RAD51: variants seen among roughly 807,000 people sequenced by gnomAD.
The protein encoded by RAD51 is RAD51 recombinase.
In RAD51, 14 loss-of-function variants were observed where a neutral mutation model predicts 41.5. The observed-to-expected ratio is 0.34, with a 90% CI of 0.22 to 0.53. RAD51 has a LOEUF of 0.53. Among genes scored for constraint, RAD51 ranks in the 20% least tolerant of loss-of-function variants. The pLI, the probability that RAD51 is intolerant of heterozygous loss-of-function variation, is 0.95. For synonymous variants in RAD51, 136 were observed against 148.6 expected (o/e 0.92, Z 0.62); for missense variants, 234 against 422.0 (o/e 0.55, Z 3.90).
rs1896866415 is a variant in RAD51 at position 40,731,300 on chromosome 15, A to G, written c.*122A>G. The stretch of plus-strand genomic sequence containing the variant: ...ACTGCCAGGATAAAGCTTCCGGGAA[A>G]ACAGCTATTATATCAGCTTTTCTGA... On this transcript the variant is annotated 3_prime_UTR_variant, in exon 10 of 10. Transcript: ENST00000267868. The G allele has an allele frequency of 5.3e-6, 7 of 1,331,502 alleles. No homozygotes were observed. In the South Asian group the frequency reaches 8.6e-5, roughly 16 times the overall value. 82.5% of individuals were successfully genotyped at this position (1,331,502 alleles called of 1,614,324 possible). A position where few individuals can be genotyped will look rare whatever the true frequency, so the allele number is the denominator to read the frequency against.
intron 6 of RAD51, 55 bp downstream of exon 6, chr15:40,718,954 T>C: frequency 6.7e-7 from 1 of 1,493,026 alleles, no homozygotes; most frequent in Non-Finnish European, 9.3e-7. Flanking sequence ...AATGTAGTGA[T>C]TGCCAGGGTT....
chr15:40,705,745 C>G (rs1233728494), intron 3 of RAD51, among the ~76,000 whole-genome samples: 1 of 152,128 alleles, frequency 6.6e-6, no homozygotes, highest in East Asian at 1.9e-4. Flanking sequence ...GCTGGGACTT[C>G]AGGCACCCGC....
chr15:40,726,436 T>G (rs1896588736), intron 6 of RAD51, among the ~76,000 whole-genome samples: 1 of 151,740 alleles, frequency 6.6e-6, no homozygotes, highest in Non-Finnish European at 1.5e-5. Context: ...ATTTTTTAAG[T>G]AGAGATGGGT....
At position 40,725,976 on chromosome 15, in the gene RAD51, A is replaced by G. The variant is rs544116409; in HGVS notation, c.531-2735A>G. ...ACTCCAGACTGGGCGACAGAGTGAG[A>G]CTCCATCTCAAAAAAACAAAACAAC... On this transcript the variant is annotated intron_variant, in intron 6 of 9. Transcript: ENST00000267868. Among the ~76,000 whole-genome samples the G allele has an allele frequency of 4.0e-5, 6 of 151,412 alleles. No homozygotes were observed. In the South Asian group the frequency reaches 1.3e-3, roughly 32 times the overall value.
At chr15:40,719,720 T>C (rs1251166571) in intron 6 of RAD51, among the ~76,000 whole-genome samples, 1 of 151,884 alleles carries the variant, frequency 6.6e-6, no homozygotes, top group Non-Finnish European at 1.5e-5. Context: ...TAGTCCCAGC[T>C]ACTCGGGAGG....
intron 3 of RAD51, chr15:40,701,776 ATTTTTTTTTTTTT>A (rs35383252): frequency 1.5e-5 from 2 of 134,858 alleles, no homozygotes; most frequent in Non-Finnish European, 2.6e-5. Flanking sequence ...TATAAAGCAG[ATTTTTTTTTTTTT>A]TTTTTTTTTT....
intron 6 of RAD51, 142 bp downstream of exon 6, chr15:40,719,041 A>G: frequency 1.3e-6 from 1 of 743,232 alleles, no homozygotes; most frequent in Non-Finnish European, 2.3e-6. Flanking sequence ...TGACTTCCTT[A>G]GTAGAAAAAG....
rs1433224767 is a variant in RAD51 at position 40,718,968 on chromosome 15, T to C, written c.530+69T>C. ...CAATGTAGTGATTGCCAGGGTTAGT[T>C]TGGCCGAAGAATGTCTCTTCTATAA... On this transcript the variant is annotated intron_variant, in intron 6 of 9. Transcript: ENST00000267868. 5 of 1,427,494 alleles carry C rather than the reference T, an allele frequency of 3.5e-6. No individual in the cohort carries two copies. In the East Asian group the frequency reaches 9.1e-5, roughly 26 times the overall value. 88.4% of individuals were successfully genotyped at this position (1,427,494 alleles called of 1,614,324 possible). A position where few individuals can be genotyped will look rare whatever the true frequency, so the allele number is the denominator to read the frequency against.
chr15:40,702,639 T>C (rs1895074941), intron 3 of RAD51, among the ~76,000 whole-genome samples: 1 of 152,044 alleles, frequency 6.6e-6, no homozygotes, highest in African/African-American at 2.4e-5. Context: ...TGCCTCAGCC[T>C]CCCAAGTAGC....
At chr15:40,704,954 C>G (rs1895243251) in intron 3 of RAD51, among the ~76,000 whole-genome samples, 2 of 152,140 alleles carry the variant, frequency 1.3e-5, no homozygotes, top group South Asian at 4.1e-4. Flanking sequence ...AGAGGTGAGC[C>G]ACCACACCCA....
intron 5 of RAD51, among the ~76,000 whole-genome samples, chr15:40,716,678 T>TTTG (rs1896006821): frequency 8.8e-6 from 1 of 113,758 alleles, no homozygotes. Flanking sequence ...TTTTTTTTTT[T>TTTG]GAGATGGAAT....
chr15:40,721,507 A>C (rs1896270541), intron 6 of RAD51, among the ~76,000 whole-genome samples: 1 of 152,042 alleles, frequency 6.6e-6, no homozygotes, highest in Non-Finnish European at 1.5e-5. Flanking sequence ...ATTTTTTTAA[A>C]ATTTAAAATT....
At chr15:40,695,592 C>T (rs1555425701) in intron 1 of RAD51, 167 bp downstream of exon 1, 1 of 152,294 alleles carries the variant, frequency 6.6e-6, no homozygotes, top group Non-Finnish European at 1.5e-5. Context: ...GCTGCTGGGG[C>T]GAAAACACAA....
intron 6 of RAD51, among the ~76,000 whole-genome samples, chr15:40,724,419 A>T (rs1896439912): frequency 6.6e-6 from 1 of 152,170 alleles, no homozygotes; most frequent in Non-Finnish European, 1.5e-5. Context: ...GAGGACAAGA[A>T]CTTTGATTTG....
At chr15:40,696,472 C>T (rs537184887) in intron 1 of RAD51, among the ~76,000 whole-genome samples, 1 of 152,060 alleles carries the variant, frequency 6.6e-6, no homozygotes, top group South Asian at 2.1e-4. Flanking sequence ...ATTCAGGAGG[C>T]TGAGAAGGGA....
chr15:40,703,756 G>T (rs1439019587), intron 3 of RAD51, among the ~76,000 whole-genome samples: 2 of 151,624 alleles, frequency 1.3e-5, no homozygotes, highest in African/African-American at 4.8e-5. Context: ...CAATTTTGTT[G>T]ATATTTTCAA....
chr15:40,705,216 A>G (rs1394402217), intron 3 of RAD51, among the ~76,000 whole-genome samples: 1 of 152,104 alleles, frequency 6.6e-6, no homozygotes, highest in Admixed American at 6.5e-5. Flanking sequence ...TTGCAAAAAC[A>G]TTTTCTGATT....
In RAD51 at chr15:40,729,921, T is replaced by G; in HGVS notation, c.843T>G (p.Ala281=). The G allele has an allele frequency of 6.2e-7, 1 of 1,614,232 alleles. No individual in the cohort carries two copies. Among genetic ancestry groups the G allele is most frequent in the Non-Finnish European group, 8.5e-7 (1 of 1,180,020 alleles). Residue 281 remains alanine (A), a synonymous_variant, in exon 9 of 10, where the codon GCT becomes GCG. Transcript: ENST00000267868. ...TGGATGGAGCAGCGATGTTTGCTGC[T>G]GATCCCAAAAAACCTATTGGAGGAA... ...AQVDGAAMFA[A]DPKKPIGGNI...
chr15:40,694,921 C>T (rs564064145), upstream of RAD51: 3 of 152,294 alleles, frequency 2.0e-5, no homozygotes, highest in Non-Finnish European at 4.4e-5. Flanking sequence ...AACTCCTAGG[C>T]TCAGACGATA....
Sources: allele counts gnomAD v4.1 joint callset (sites outside exome capture counted in the v4.1 genomes callset), GRCh38; gene constraint gnomAD v4.1.1; transcripts MANE v1.5; gene names NCBI Gene and HGNC (gene_info 2026-07-23, HGNC 2026-07-21).